The following HDAC7 variants were observed in gnomAD, a reference collection of about 807,000 sequenced individuals.
HDAC7 encodes the protein histone deacetylase 7, also known as histone deacetylase 7A.
A neutral mutation model predicts 115.5 loss-of-function variants in HDAC7; 26 were observed. That is an observed-to-expected ratio of 0.23 (90% CI 0.16 to 0.31). The LOEUF (loss-of-function observed/expected upper bound fraction) is 0.31. Ranked by LOEUF, HDAC7 falls within the 10% of genes least tolerant of loss-of-function variation. HDAC7 has a pLI of 1.00. For missense variants in HDAC7, 1,068 were observed against 1,329.0 expected, an observed-to-expected ratio of 0.80 and a Z score of 3.05; for synonymous variants, 564 against 550.9, an observed-to-expected ratio of 1.02 and a Z score of -0.33.
At position 47,783,715 on chromosome 12, in the gene HDAC7, G is replaced by A. The variant is rs377485985; in HGVS notation, c.*126C>T. The stretch of plus-strand genomic sequence containing the variant: ...CTGGGATAACTGTCAAAGCAGGCAG[G>A]CTGTTCTCTGGTTCCAACTACTTGC... On this transcript the variant is annotated 3_prime_UTR_variant, in exon 26 of 26. Coordinates refer to ENST00000080059, the MANE Select transcript of HDAC7 (RefSeq NM_015401.5). 1.1e-6 allele frequency: 1 copy of A among 913,956 alleles called. No individual in the cohort carries two copies. Among genetic ancestry groups the A allele is most frequent in the Admixed American group, 2.0e-5 (1 of 49,136 alleles). 56.6% of individuals were successfully genotyped at this position (913,956 alleles called of 1,614,324 possible). A position where few individuals can be genotyped will look rare whatever the true frequency, so the allele number is the denominator to read the frequency against.
In HDAC7 at chr12:47,796,247, T is replaced by A. The variant is rs138146204; in HGVS notation, c.755A>T (p.Asn252Ile). The stretch of plus-strand genomic sequence containing the variant: ...GGGATTGGGGCCGTGCTCGCTGTCA[T>A]TGGGGGAGCTGCACCCTGATGCGGG... ...STPASGCSSP[N>I]DSEHGPNPIL... The change falls in exon 8 of 26, where the codon AAT (asparagine) becomes ATT (isoleucine). Residue 252 changes from asparagine (N) to isoleucine (I), a missense_variant. Around this residue, in one of 6 missense-constraint regions of HDAC7, gnomAD observed 618 missense variants for 701.5 expected, o/e 0.88. Coordinates refer to ENST00000080059, the MANE Select transcript of HDAC7 (RefSeq NM_015401.5). The A allele has an allele frequency of 6.2e-7, 1 of 1,602,870 alleles. No homozygotes were observed. Among genetic ancestry groups the A allele is most frequent in the Admixed American group, 1.8e-5 (1 of 56,542 alleles).
At chr12:47,804,498 T>C (rs1944307572) in intron 1 of HDAC7, among the ~76,000 whole-genome samples, 1 of 148,410 alleles carries the variant, frequency 6.7e-6, no homozygotes, top group Non-Finnish European at 1.5e-5. Context: ...CTCCGAGGGC[T>C]GTTACTACTA....
At position 47,791,331 on chromosome 12, in the gene HDAC7, C is replaced by A. The variant is rs756160016; in HGVS notation, c.1934-23G>T. ...GCCCTGCGGGGAGAGGCCCAGCCCA[C>A]GTCAGCGTGAATACTCTCAGCCTTT... On this transcript the variant is annotated intron_variant, in intron 15 of 25. Coordinates refer to ENST00000080059, the MANE Select transcript of HDAC7 (RefSeq NM_015401.5). The A allele has an allele frequency of 5.1e-6, 8 of 1,559,912 alleles. No homozygotes were observed. In the South Asian group the frequency reaches 8.5e-5, roughly 17 times the overall value.
chr12:47,814,459 G>A (rs1198564181), intron 1 of HDAC7, among the ~76,000 whole-genome samples: 1 of 152,242 alleles, frequency 6.6e-6, no homozygotes, highest in Non-Finnish European at 1.5e-5. Context: ...GGAAGGAGGT[G>A]GGAGGAAGGT....
chr12:47,792,905 C>CAT (rs1319613986), intron 13 of HDAC7: 7 of 330,790 alleles, frequency 2.1e-5, no homozygotes, highest in Non-Finnish European at 3.6e-5. Flanking sequence ...TGTACATGTA[C>CAT]ATATGGCCAG....
rs1008746900 is a variant in HDAC7, at chr12:47,785,010, A to G, written c.2791+377T>C. On this transcript the variant is annotated intron_variant, in intron 24 of 25. Transcript: ENST00000080059. ...GGGTTATCCCAAGACGCAGCCCCCAAGCCAGCAGAGCTCCTGAGACGCCTG... is the reference window on the plus strand; with the variant it reads ...GGGTTATCCCAAGACGCAGCCCCCAGGCCAGCAGAGCTCCTGAGACGCCTG... 71 of 581,512 alleles carry G rather than the reference A, an allele frequency of 1.2e-4. 1 individual carries two copies. The highest frequency in any genetic ancestry group is 1.2e-3 in the African/African-American group (63 of 53,306). 36.0% of individuals were successfully genotyped at this position (581,512 alleles called of 1,614,324 possible). A position where few individuals can be genotyped will look rare whatever the true frequency, so the allele number is the denominator to read the frequency against.
In HDAC7 at chr12:47,802,270, C is replaced by G. The variant is rs1310629044; in HGVS notation, c.24G>C (p.Gly8=). 6.2e-7 allele frequency: 1 copy of G among 1,613,978 alleles called. No homozygotes were observed. ...AGTGGGCACCCGGGCTCACCTGGGTCCCATCTGTAGAGAGAGAGACGGAGT... is the reference window on the plus strand; with the variant it reads ...AGTGGGCACCCGGGCTCACCTGGGTGCCATCTGTAGAGAGAGAGACGGAGT... The part of the protein sequence containing the change: MHSPGAD[G]TQVSPGAHYC... Residue 8 remains glycine, a synonymous_variant, in exon 2 of 26, where the codon GGG becomes GGC. Coordinates refer to ENST00000080059, the MANE Select transcript of HDAC7 (RefSeq NM_015401.5).
In HDAC7 at chr12:47,791,003, T is replaced by C. The variant is rs142744904; in HGVS notation, c.1983+256A>G. On this transcript the variant is annotated intron_variant, in intron 16 of 25. Coordinates refer to ENST00000080059, the MANE Select transcript of HDAC7 (RefSeq NM_015401.5). ...CAGCCTTGGCCCTGCTCCTGAAACC[T>C]CACTCAACATCTACCAGACACCTTC... The C allele has an allele frequency of 3.5e-4, 200 of 570,096 alleles. 1 individual carries two copies. Among genetic ancestry groups the C allele is most frequent in the African/African-American group, 2.8e-3 (146 of 52,144 alleles). The allele number at this position is 570,096 out of a possible 1,614,324, so 35.3% of individuals were successfully genotyped here.
In HDAC7 at chr12:47,783,747, G is replaced by A; in HGVS notation, c.*94C>T. 1.6e-6 allele frequency: 2 copies of A among 1,267,444 alleles called. No individual in the cohort carries two copies. Among genetic ancestry groups the A allele is most frequent in the Admixed American group, 2.0e-5 (1 of 50,780 alleles). 78.5% of individuals were successfully genotyped at this position (1,267,444 alleles called of 1,614,324 possible). On this transcript the variant is annotated 3_prime_UTR_variant, in exon 26 of 26. Transcript: ENST00000080059. ...TCTGGTTCCAACTACTTGCCCACAG[G>A]ATCTCTAAAGACCCAGGAATGGGGG...
rs1943733582 is a variant in HDAC7, at chr12:47,795,053, G to A, written c.1285-120C>T. The A allele has an allele frequency of 1.5e-6, 2 of 1,328,990 alleles. No homozygotes were observed. The highest frequency in any genetic ancestry group is 1.5e-5 in the African/African-American group (1 of 68,462). 82.3% of individuals were successfully genotyped at this position (1,328,990 alleles called of 1,614,324 possible). On this transcript the variant is annotated intron_variant, in intron 11 of 25. Transcript: ENST00000080059. This position sits in a 1 kb window ranked among gnomAD's most constrained non-coding sequence, Gnocchi z 4.3. ...AGGACTCCAGCTGCCATGCAGCTCT[G>A]GGCCCCAAGAAGCCACATCCCCCTC... is the stretch of plus-strand genomic sequence containing the variant.
intron 22 of HDAC7, 55 bp from the exon 23 acceptor site, chr12:47,785,940 T>C: frequency 6.7e-7 from 1 of 1,496,540 alleles, no homozygotes; most frequent in Non-Finnish European, 9.0e-7. Flanking sequence ...GTGACCCTGT[T>C]CTCTACCCCT....
rs766572504 is a variant in HDAC7, at chr12:47,795,783, G to GA, written c.907-17dup. 80 of 1,520,580 alleles carry GA rather than the reference G, an allele frequency of 5.3e-5. No homozygotes were observed. The Admixed American group carries it at 9.0e-4, about 17-fold the overall frequency. 94.2% of individuals were successfully genotyped at this position (1,520,580 alleles called of 1,614,324 possible). A position where few individuals can be genotyped will look rare whatever the true frequency, so the allele number is the denominator to read the frequency against. On this transcript the variant is annotated splice_polypyrimidine_tract_variant and intron_variant, in intron 9 of 25. Coordinates refer to ENST00000080059, the MANE Select transcript of HDAC7 (RefSeq NM_015401.5). The surrounding 1 kb of genome is among the most constrained non-coding windows in gnomAD (Gnocchi z 4.3). ...CACTGTCAGCCTGGGGGAGAGGCGGGAGAAGTCACGGGGAAGAAGATTCCA... is the reference window on the plus strand; with the variant it reads ...CACTGTCAGCCTGGGGGAGAGGCGGGAAGAAGTCACGGGGAAGAAGATTCCA...
Position 47,795,272 on chromosome 12 carries a change from G to T in HDAC7, c.1196C>A (p.Pro399His). ...GGGAGCGGTGGCACTGGGGGGCAGG[G>T]GCTCTGAGCGAGTCCGGCTCAGTGG... ...HWPLSRTRSEPLPPSATAPPP... is the reference protein window; with the variant it reads ...HWPLSRTRSEHLPPSATAPPP... Residue 399 changes from proline to histidine, a missense_variant, in exon 11 of 26, where the codon CCC becomes CAC. By Grantham distance (77) the Pro-to-His change is moderately conservative (BLOSUM62 -2). This residue lies in a region of HDAC7 where 618 missense variants were observed against 701.5 expected (regional missense o/e 0.88). Coordinates refer to ENST00000080059, the MANE Select transcript of HDAC7 (RefSeq NM_015401.5). The surrounding 1 kb of genome is among the most constrained non-coding windows in gnomAD (Gnocchi z 4.3). 1 of 1,612,342 alleles carries T rather than the reference G, an allele frequency of 6.2e-7. No homozygotes were observed. The highest frequency in any genetic ancestry group is 8.5e-7 in the Non-Finnish European group (1 of 1,178,918).
intron 1 of HDAC7, among the ~76,000 whole-genome samples, chr12:47,810,827 T>TCTCC (rs1944624904): frequency 1.0e-5 from 1 of 97,114 alleles, no homozygotes; most frequent in Admixed American, 9.2e-5. Flanking sequence ...TCTCTCTCTC[T>TCTCC]CTCTCTCTCT....
chr12:47,821,229 C>G (rs1945015382), upstream of HDAC7, among the ~76,000 whole-genome samples: 1 of 152,214 alleles, frequency 6.6e-6, no homozygotes, highest in African/African-American at 2.4e-5. Context: ...CCCACAGTGG[C>G]CTAGGAGGGC....
rs764736642 is a variant in HDAC7, at chr12:47,787,750, G to A, written c.2415C>T (p.Asp805=). The A allele has an allele frequency of 6.2e-7, 1 of 1,612,466 alleles. No individual in the cohort carries two copies. Among genetic ancestry groups the A allele is most frequent in the Admixed American group, 1.7e-5 (1 of 59,920 alleles). The change falls in exon 21 of 26, where the codon GAC becomes GAT. Residue 805 remains aspartate, a synonymous_variant. Transcript: ENST00000080059. Reference sequence around the variant, plus strand: ...GGTACTCAGGATCCCCCATGGGGGGGTCCAGACCTCCAGCCCAGGCCACAT... The same window carrying A: ...GGTACTCAGGATCCCCCATGGGGGGATCCAGACCTCCAGCCCAGGCCACAT... The part of the protein sequence containing the change: ...NVNVAWAGGL[D]PPMGDPEYLA...
chr12:47,795,384 G>T lies in HDAC7; in HGVS notation c.1088-4C>A, dbSNP rs746056028. 6.3e-7 allele frequency: 1 copy of T among 1,582,354 alleles called. No individual in the cohort carries two copies. Among genetic ancestry groups the T allele is most frequent in the Non-Finnish European group, 8.6e-7 (1 of 1,163,626 alleles). ...GGCAAGGGCCCAAGCCCGGGCACTG[G>T]AAAGAATCGGGGGGTGGAATAAGGA... On this transcript the variant is annotated splice_region_variant and splice_polypyrimidine_tract_variant and intron_variant, in intron 10 of 25. Coordinates refer to ENST00000080059, the MANE Select transcript of HDAC7 (RefSeq NM_015401.5). This position sits in a 1 kb window ranked among gnomAD's most constrained non-coding sequence, Gnocchi z 4.3.
chr12:47,811,408 T>C (rs1944658958), intron 1 of HDAC7, among the ~76,000 whole-genome samples: 2 of 152,146 alleles, frequency 1.3e-5, no homozygotes, highest in Non-Finnish European at 1.5e-5. Context: ...GTAAGGACAA[T>C]TTCTGGCCAA....
rs1227927504 is a variant in HDAC7 at position 47,795,777 on chromosome 12, A to G, written c.907-10T>C. 1 of 1,519,476 alleles carries G rather than the reference A, an allele frequency of 6.6e-7. No homozygotes were observed. Among genetic ancestry groups the G allele is most frequent in the East Asian group, 2.5e-5 (1 of 40,554 alleles). 94.1% of individuals were successfully genotyped at this position (1,519,476 alleles called of 1,614,324 possible). On this transcript the variant is annotated splice_polypyrimidine_tract_variant and intron_variant, in intron 9 of 25. Transcript: ENST00000080059. This position sits in a 1 kb window ranked among gnomAD's most constrained non-coding sequence, Gnocchi z 4.3. ...TGCGGTCACTGTCAGCCTGGGGGAG[A>G]GGCGGGAGAAGTCACGGGGAAGAAG...
Sources: allele counts gnomAD v4.1 joint callset (sites outside exome capture counted in the v4.1 genomes callset), GRCh38; gene constraint gnomAD v4.1.1; regional missense constraint gnomAD v4.1.1; non-coding constraint Gnocchi (gnomAD v3.1); transcripts MANE v1.5; gene names NCBI Gene and HGNC (gene_info 2026-07-23, HGNC 2026-07-21).